COL15A1: variants seen among roughly 807,000 people sequenced by gnomAD.
COL15A1 encodes collagen type XV alpha 1 chain.
COL15A1 carries 111 observed loss-of-function variants against 165.9 expected under a neutral mutation model. The observed-to-expected ratio is 0.67, with a 90% CI of 0.57 to 0.78. The LOEUF (loss-of-function observed/expected upper bound fraction) is 0.78. Among genes scored for constraint, COL15A1 ranks in the 30% least tolerant of loss-of-function variants. The probability of loss-of-function intolerance (pLI) is 0.00; values close to 1 mark genes in which losing one functional copy is unlikely to be tolerated. For missense variants in COL15A1, 1,745 were observed against 1,789.7 expected, an observed-to-expected ratio of 0.98 and a Z score of 0.45; for synonymous variants, 659 against 674.8, an observed-to-expected ratio of 0.98 and a Z score of 0.36.
At chr9:99,051,073 G>T (rs1839579513) in intron 30 of COL15A1, among the ~76,000 whole-genome samples, 1 of 152,150 alleles carries the variant, frequency 6.6e-6, no homozygotes, top group South Asian at 2.1e-4. Flanking sequence ...ACCTTCCTGG[G>T]CAGTCGCTGC....
chr9:99,043,019 G>A lies in COL15A1; in HGVS notation c.2574+912G>A, dbSNP rs918875156. Among the ~76,000 whole-genome samples the A allele has an allele frequency of 3.3e-5, 5 of 152,328 alleles. No individual in the cohort carries two copies. The South Asian group carries it at 8.3e-4, about 25-fold the overall frequency. On this transcript the variant is annotated intron_variant, in intron 24 of 41. Transcript: ENST00000375001. ...AAGAGATATGCAAAGAGCTAACAGA[G>A]CACATGCTTACAGCTGGAATGGAGC...
At chr9:99,005,121 G>A in intron 9 of COL15A1, 71 bp downstream of exon 9, 1 of 1,458,456 alleles carries the variant, frequency 6.9e-7, no homozygotes. Flanking sequence ...AGAGTGTGGG[G>A]CTCCTGCTCA....
intron 9 of COL15A1, among the ~76,000 whole-genome samples, chr9:99,010,676 G>A (rs1457077793): frequency 3.9e-5 from 6 of 152,190 alleles, no homozygotes; most frequent in South Asian, 2.1e-4. Flanking sequence ...TTTGCTGTTC[G>A]ATCATATAGC....
At chr9:99,014,840 G>A (rs1250686159) in intron 9 of COL15A1, among the ~76,000 whole-genome samples, 1 of 152,200 alleles carries the variant, frequency 6.6e-6, no homozygotes, top group Admixed American at 6.5e-5. Context: ...CTCAAAGTGG[G>A]GAGGGGGCTT....
At chr9:99,065,230 A>G (rs923298313) in intron 39 of COL15A1, among the ~76,000 whole-genome samples, 1 of 152,198 alleles carries the variant, frequency 6.6e-6, no homozygotes, top group African/African-American at 2.4e-5. Flanking sequence ...GGTGGCAAGG[A>G]AGCCCTGCAG....
chr9:99,036,428 A>T, intron 21 of COL15A1, 32 bp downstream of exon 21: 5 of 1,608,844 alleles, frequency 3.1e-6, no homozygotes, highest in Non-Finnish European at 4.3e-6. Flanking sequence ...GCTTGTCTAC[A>T]TATTTTCCAC....
intron 16 of COL15A1, among the ~76,000 whole-genome samples, chr9:99,033,508 CA>C (rs376948654): frequency 2.6e-5 from 4 of 152,238 alleles, no homozygotes; most frequent in African/African-American, 9.6e-5. Flanking sequence ...CACAGCTTCA[CA>C]GCAGACTTTT....
intron 9 of COL15A1, 128 bp downstream of exon 9, chr9:99,005,178 C>A: frequency 1.0e-6 from 1 of 978,212 alleles, no homozygotes; most frequent in Non-Finnish European, 1.5e-6. Flanking sequence ...ACCAAATACT[C>A]ACTTGGGGGT....
intron 2 of COL15A1, among the ~76,000 whole-genome samples, chr9:98,955,291 C>G (rs1837757855): frequency 1.3e-5 from 2 of 152,178 alleles, no homozygotes; most frequent in African/African-American, 2.4e-5. Flanking sequence ...TAGGGCAATT[C>G]CTACTCTAAG....
intron 40 of COL15A1, 140 bp downstream of exon 40, chr9:99,067,207 G>T: frequency 2.8e-6 from 2 of 719,466 alleles, no homozygotes; most frequent in Non-Finnish European, 4.4e-6. Flanking sequence ...CACTTTGGGT[G>T]GGTTCTTTGC....
At chr9:98,986,532 G>T (rs931875338) in intron 3 of COL15A1, 2 of 160,636 alleles carry the variant, frequency 1.2e-5, no homozygotes, top group Admixed American at 6.1e-5. Flanking sequence ...TTTCTGAAAA[G>T]GTGGGATACA....
At position 99,047,980 on chromosome 9, in the gene COL15A1, G is replaced by C; in HGVS notation, c.2773G>C (p.Asp925His). ...GAATGGCCTCAAGGGTACCAAAGGA[G>C]ATCCAGGGGTCATTATGCAGGTGAG... ...GLNGLKGTKG[D>H]PGVIMQGPPG... is the part of the protein sequence containing the mutation. The change falls in exon 28 of 42, where the codon GAT becomes CAT. Residue 925 changes from aspartate (D) to histidine (H), a missense_variant. By Grantham distance (81) the Asp-to-His change is moderately conservative (BLOSUM62 -1). Transcript: ENST00000375001. The C allele has an allele frequency of 1.9e-6, 3 of 1,592,440 alleles. No individual in the cohort carries two copies. Among genetic ancestry groups the C allele is most frequent in the Non-Finnish European group, 2.6e-6 (3 of 1,165,544 alleles).
intron 16 of COL15A1, among the ~76,000 whole-genome samples, chr9:99,029,049 C>A (rs1839174955): frequency 6.6e-6 from 1 of 152,182 alleles, no homozygotes; most frequent in African/African-American, 2.4e-5. Context: ...AGAAAGAATG[C>A]AGAAGAACTT....
Position 99,044,815 on chromosome 9 carries a change from G to A in COL15A1, c.2679+45G>A, listed in dbSNP as rs774351248. 8 of 1,565,188 alleles carry A rather than the reference G, an allele frequency of 5.1e-6. No individual in the cohort carries two copies. The African/African-American group carries it at 8.1e-5, about 16-fold the overall frequency. On this transcript the variant is annotated intron_variant, in intron 26 of 41. Coordinates refer to ENST00000375001, the MANE Select transcript of COL15A1 (RefSeq NM_001855.5). ...AGCTGGATCTGGGCTGGGGTTTGAA[G>A]CATTTTTCATACTTTGATTTGGTTA... is the stretch of plus-strand genomic sequence containing the variant.
At chr9:99,001,192 T>G (rs1039997401) in intron 7 of COL15A1, among the ~76,000 whole-genome samples, 3 of 152,144 alleles carry the variant, frequency 2.0e-5, no homozygotes, top group Admixed American at 2.0e-4. Context: ...CACTTGCCTG[T>G]GATGAGCGAG....
chr9:98,948,773 G>T (rs1837630350), intron 2 of COL15A1, among the ~76,000 whole-genome samples: 1 of 152,176 alleles, frequency 6.6e-6, no homozygotes, highest in African/African-American at 2.4e-5. Flanking sequence ...TATTGTCCAG[G>T]TAGGGATGGT....
chr9:99,044,205 A>C (rs1454108255), intron 24 of COL15A1, among the ~76,000 whole-genome samples: 2 of 152,170 alleles, frequency 1.3e-5, no homozygotes, highest in East Asian at 3.9e-4. Flanking sequence ...GGAGATAGAC[A>C]GGACCACACT....
At chr9:98,952,320 T>A (rs1837701868) in intron 2 of COL15A1, among the ~76,000 whole-genome samples, 1 of 152,208 alleles carries the variant, frequency 6.6e-6, no homozygotes. Flanking sequence ...TTCAATAGTG[T>A]AATAACTAGT....
rs1564089536 is a variant in COL15A1, at chr9:99,055,353, C to A, written c.3173C>A (p.Pro1058His). The A allele has an allele frequency of 6.2e-7, 1 of 1,612,090 alleles. No homozygotes were observed. Among genetic ancestry groups the A allele is most frequent in the Non-Finnish European group, 8.5e-7 (1 of 1,178,124 alleles). Residue 1058 changes from proline (P) to histidine (H), a missense_variant, in exon 34 of 42, where the codon CCC becomes CAC. Pro to His is a moderately conservative substitution (Grantham distance 77). Coordinates refer to ENST00000375001, the MANE Select transcript of COL15A1 (RefSeq NM_001855.5). ...SFLMSGPPGL[P>H]GNPGPAGQKG... is the part of the protein sequence containing the mutation. The stretch of plus-strand genomic sequence containing the variant: ...CTTATGTCTGGGCCTCCAGGCCTGC[C>A]CGGAAATCCAGGCCCGGCTGTGAGT...
Sources: gnomAD v4.1 joint callset for allele counts (sites outside exome capture counted in the v4.1 genomes callset) on GRCh38, gnomAD v4.1.1 for gene constraint, MANE v1.5 for transcripts, NCBI Gene and HGNC (gene_info 2026-07-23, HGNC 2026-07-21) for gene names.